Variants in CTNND2 observed in about 807,000 individuals in gnomAD.
CTNND2 encodes the protein catenin delta 2.
In CTNND2, 22 loss-of-function variants were observed where a neutral mutation model predicts 144.4. The observed-to-expected ratio is 0.15, with a 90% CI of 0.11 to 0.22. The LOEUF (loss-of-function observed/expected upper bound fraction) is 0.22. Ranked by LOEUF, CTNND2 falls within the 10% of genes least tolerant of loss-of-function variation. CTNND2 has a pLI of 1.00. For missense variants in CTNND2, 1,353 were observed against 1,618.8 expected (o/e 0.84, Z 2.82); for synonymous variants, 751 against 695.6 (o/e 1.08, Z -1.25).
At chr5:11,022,713 G>A in intron 17 of CTNND2, 56 bp downstream of exon 17, 1 of 1,343,870 alleles carries the variant, frequency 7.4e-7, no homozygotes, top group Non-Finnish European at 1.1e-6. Context: ...GAGTTGAAAG[G>A]CACATTCAGA....
rs951884638 is a variant in CTNND2 at position 11,428,443 on chromosome 5, T to C, written c.288-16374A>G. 1.1e-4 allele frequency among the ~76,000 whole-genome samples: 17 copies of C among 152,312 alleles called. No homozygotes were observed. The East Asian group carries it at 2.5e-3, about 23-fold the overall frequency. ...CCCTGTCTCAGCCACTTGCCTTAGA[T>C]GAGGCCAACTGAGTGAGGCTCTGTA... On this transcript the variant is annotated intron_variant, in intron 3 of 21. Transcript: ENST00000304623.
chr5:11,055,524 C>T (rs1277243932), intron 16 of CTNND2, among the ~76,000 whole-genome samples: 2 of 152,216 alleles, frequency 1.3e-5, no homozygotes, highest in Non-Finnish European at 1.5e-5. Flanking sequence ...TACCCATACC[C>T]GTTCAGTGAG....
chr5:11,648,899 T>C (rs1782498584), intron 2 of CTNND2, among the ~76,000 whole-genome samples: 1 of 152,234 alleles, frequency 6.6e-6, no homozygotes. Context: ...TTTCATATTT[T>C]ATTTTCAGCT....
In CTNND2 at chr5:11,114,867, C is replaced by T. The variant is rs61754588; in HGVS notation, c.2277+2583G>A. Among the ~76,000 whole-genome samples the T allele has an allele frequency of 4.2e-3, 639 of 152,070 alleles. 6 individuals are homozygous for T. The highest frequency in any genetic ancestry group is 0.014 in the African/African-American group (583 of 41,462). ...AGCTCAAAAGCGGCCAAGCAGAGGG[C>T]TGAGTGGAAAATGATGGTACAATAA... On this transcript the variant is annotated intron_variant, in intron 13 of 21. Transcript: ENST00000304623.
chr5:11,100,228 T>C (rs573816225), intron 14 of CTNND2, among the ~76,000 whole-genome samples: 27 of 152,330 alleles, frequency 1.8e-4, no homozygotes, highest in Non-Finnish European at 2.4e-4. Context: ...ACAGCTTAGT[T>C]TAAGTCAAGG....
chr5:11,190,999 G>GC (rs1736185384), intron 11 of CTNND2, among the ~76,000 whole-genome samples: 1 of 152,162 alleles, frequency 6.6e-6, no homozygotes, highest in Non-Finnish European at 1.5e-5. Flanking sequence ...AGAGAACTGA[G>GC]CCTTCCTGAG....
chr5:11,860,862 T>C (rs1795471712), intron 1 of CTNND2, among the ~76,000 whole-genome samples: 2 of 151,038 alleles, frequency 1.3e-5, no homozygotes, highest in South Asian at 4.2e-4. Flanking sequence ...TTGTACCAAG[T>C]CTGCCTAAAT....
intron 9 of CTNND2, among the ~76,000 whole-genome samples, chr5:11,300,683 T>C (rs899859069): frequency 6.6e-6 from 1 of 152,156 alleles, no homozygotes; most frequent in East Asian, 1.9e-4. Context: ...TATATACTTA[T>C]ACTAAAAATT....
chr5:11,579,147 CT>C (rs57335413), intron 2 of CTNND2, among the ~76,000 whole-genome samples: 7,069 of 137,514 alleles, frequency 0.051, 319 homozygotes, highest in African/African-American at 0.12. Context: ...AGTTCCTTTC[CT>C]TTTTTTTTTT....
chr5:11,471,820 A>G (rs1767260288), intron 3 of CTNND2, among the ~76,000 whole-genome samples: 1 of 152,218 alleles, frequency 6.6e-6, no homozygotes, highest in African/African-American at 2.4e-5. Context: ...GAAGAATAGG[A>G]ATTAGGTTTA....
At chr5:11,714,144 T>C (rs1025078552) in intron 2 of CTNND2, among the ~76,000 whole-genome samples, 2 of 152,166 alleles carry the variant, frequency 1.3e-5, no homozygotes, top group East Asian at 1.9e-4. Context: ...ATCTGAAACA[T>C]AGTGAATGAA....
chr5:11,020,747 G>A (rs1318310495), intron 17 of CTNND2, among the ~76,000 whole-genome samples: 1 of 148,750 alleles, frequency 6.7e-6, no homozygotes, highest in Non-Finnish European at 1.5e-5. Flanking sequence ...TATAAAAAAA[G>A]AGATAAGCTA....
chr5:11,898,719 G>A (rs973474749), intron 1 of CTNND2, among the ~76,000 whole-genome samples: 1 of 151,994 alleles, frequency 6.6e-6, no homozygotes, highest in Non-Finnish European at 1.5e-5. Flanking sequence ...AACCCAGTAA[G>A]GCCTTTTATC....
At chr5:11,703,694 TAAAC>T (rs1357867665) in intron 2 of CTNND2, among the ~76,000 whole-genome samples, 1 of 152,222 alleles carries the variant, frequency 6.6e-6, no homozygotes, top group East Asian at 1.9e-4. Context: ...CTGTATTTAG[TAAAC>T]AAACAGATGA....
At chr5:11,184,470 G>A (rs1735418870) in intron 11 of CTNND2, among the ~76,000 whole-genome samples, 1 of 152,136 alleles carries the variant, frequency 6.6e-6, no homozygotes, top group Non-Finnish European at 1.5e-5. Context: ...ATGCATGAAA[G>A]CCAAATACTA....
intron 1 of CTNND2, among the ~76,000 whole-genome samples, chr5:11,780,610 G>A (rs533017733): frequency 6.6e-6 from 1 of 152,220 alleles, no homozygotes; most frequent in South Asian, 2.1e-4. Flanking sequence ...TTGAATCCAG[G>A]GACCCCCATT....
At chr5:11,801,238 G>A (rs957420922) in intron 1 of CTNND2, among the ~76,000 whole-genome samples, 2 of 152,088 alleles carry the variant, frequency 1.3e-5, no homozygotes, top group African/African-American at 4.8e-5. Context: ...TTGCACAGTG[G>A]TTTTATTTTC....
intron 14 of CTNND2, among the ~76,000 whole-genome samples, chr5:11,101,887 A>ATGTGTGTGTGTGTGTGTGTGTG (rs201704440): frequency 5.6e-4 from 82 of 145,284 alleles, no homozygotes; most frequent in African/African-American, 1.3e-3. Flanking sequence ...ACGACCACAT[A>ATGTGTGTGTGTGTGTGTGTGTG]TGTGTGTGTG....
chr5:11,622,808 C>G (rs1469870998), intron 2 of CTNND2, among the ~76,000 whole-genome samples: 1 of 152,092 alleles, frequency 6.6e-6, no homozygotes, highest in African/African-American at 2.4e-5. Context: ...GGAGAAAGAG[C>G]CCTAAAAGCA....
Sources: allele counts gnomAD v4.1 joint callset (sites outside exome capture counted in the v4.1 genomes callset), GRCh38; gene constraint gnomAD v4.1.1; transcripts MANE v1.5; gene names NCBI Gene and HGNC (gene_info 2026-07-23, HGNC 2026-07-21).